BCOR: variants seen among roughly 807,000 people sequenced by gnomAD.
BCOR encodes the protein BCL6 corepressor.
In BCOR, 10 loss-of-function variants were observed where a neutral mutation model predicts 86.7. That is an observed-to-expected ratio of 0.12 (90% CI 0.07 to 0.20). The LOEUF is 0.20. Ranked by LOEUF, BCOR falls within the 10% of genes least tolerant of loss-of-function variation. The pLI is 1.00. For synonymous variants in BCOR, 611 were observed against 609.0 expected (o/e 1.00, Z -0.05); for missense variants, 1,259 against 1,452.1 (o/e 0.87, Z 2.16).
At position 40,160,111 on chromosome X, in the gene BCOR, C is replaced by CTT. The variant is rs748741460; in HGVS notation, c.-41+16894_-41+16895dup. 4.5e-3 allele frequency among the ~76,000 whole-genome samples: 473 copies of CTT among 104,658 alleles called. 1 individual carries two copies. The highest frequency in any genetic ancestry group is 0.015 in the African/African-American group (441 of 28,958). 90.9% of individuals were successfully genotyped at this position (104,658 alleles called of 115,157 possible). ...ACCATCAGATGGTTGACATGGATTA[C>CTT]TTTTTTTTTTTTTTGAGACGGAGTC... On this transcript the variant is annotated intron_variant, in intron 1 of 14. Coordinates refer to the BCOR transcript ENST00000342274.
At position 40,156,398 on chromosome X, in the gene BCOR, A is replaced by G. The variant is rs779225778; in HGVS notation, c.-41+20609T>C. 5.3e-3 allele frequency among the ~76,000 whole-genome samples: 589 copies of G among 111,746 alleles called. 3 individuals carry two copies. The highest frequency in any genetic ancestry group is 0.018 in the African/African-American group (561 of 30,760). On this transcript the variant is annotated intron_variant, in intron 1 of 14. Transcript: ENST00000342274. ...GGCGGGGGTAGGGCTGGGGCGGCAC[A>G]GCAGCGGCAGGGGATGAGGAGGTGA...
intron 1 of BCOR, 127 bp from the exon 2 acceptor site, chrX:40,078,096 G>C: frequency 4.2e-6 from 2 of 481,012 alleles, no homozygotes. Flanking sequence ...TGTGCCTGCT[G>C]TCTACAGTGG....
chrX:40,053,793 C>T (rs1221293801), intron 14 of BCOR, 93 bp downstream of exon 14: 11 of 1,033,382 alleles, frequency 1.1e-5, no homozygotes, highest in Admixed American at 2.5e-5. Flanking sequence ...GGTCACTCAC[C>T]CACCCACCCT....
chrX:40,150,281 C>T (rs1283691548), intron 1 of BCOR, among the ~76,000 whole-genome samples: 1 of 112,220 alleles, frequency 8.9e-6, no homozygotes, highest in African/African-American at 3.2e-5. Context: ...GGGAAACACA[C>T]TTAGGTTATC....
At chrX:40,107,207 C>A (rs769892383) in intron 1 of BCOR, among the ~76,000 whole-genome samples, 1 of 111,852 alleles carries the variant, frequency 8.9e-6, no homozygotes, top group East Asian at 2.8e-4. Flanking sequence ...AGGGCGAAAG[C>A]GGGGAAACGT....
intron 1 of BCOR, among the ~76,000 whole-genome samples, chrX:40,078,260 C>T (rs1935910223): frequency 1.8e-5 from 2 of 112,445 alleles, no homozygotes; most frequent in South Asian, 3.7e-4. Context: ...CCACAGCACC[C>T]GCCCACTCCC....
At chrX:40,165,679 G>C (rs182766881) in intron 1 of BCOR, among the ~76,000 whole-genome samples, 8 of 112,830 alleles carry the variant, frequency 7.1e-5, no homozygotes, top group African/African-American at 2.6e-4. Flanking sequence ...CCTGTGCCTA[G>C]CTAGGGTGTA....
chrX:40,163,042 TATTA>T (rs1267255001), intron 1 of BCOR, among the ~76,000 whole-genome samples: 4 of 111,824 alleles, frequency 3.6e-5, no homozygotes, highest in Non-Finnish European at 7.5e-5. Flanking sequence ...AAATAGTAAG[TATTA>T]ATTGTTTTTC....
Position 40,093,214 on chromosome X carries a change from C to A in BCOR, c.-41+4001G>T, listed in dbSNP as rs559873970. ...TGTATCTCTTGTTCCATTTGGGCAA[C>A]GGAGCCCAAGTGTCTTGATTTGTCT... On this transcript the variant is annotated intron_variant, in intron 1 of 14. Transcript: ENST00000378444. Among the ~76,000 whole-genome samples the A allele has an allele frequency of 2.7e-5, 3 of 112,215 alleles. No homozygotes were observed. In the South Asian group the frequency reaches 1.1e-3, roughly 41 times the overall value.
intron 1 of BCOR, among the ~76,000 whole-genome samples, chrX:40,134,663 C>T (rs1937644701): frequency 1.8e-5 from 2 of 111,341 alleles, no homozygotes. Context: ...AGTCCCCCTT[C>T]CAAGTCCAGG....
chrX:40,094,416 G>C (rs778558470), intron 1 of BCOR, among the ~76,000 whole-genome samples: 6 of 112,965 alleles, frequency 5.3e-5, no homozygotes, highest in Non-Finnish European at 1.1e-4. Flanking sequence ...CTGCGGGGTG[G>C]GGGTAGGGGG....
At chrX:40,131,395 G>T (rs759682120) in intron 1 of BCOR, among the ~76,000 whole-genome samples, 2 of 112,409 alleles carry the variant, frequency 1.8e-5, no homozygotes, top group Non-Finnish European at 3.8e-5. Flanking sequence ...AGTGGCTCAC[G>T]CCTGCAATCC....
chrX:40,143,547 A>C (rs1937970122), intron 1 of BCOR, among the ~76,000 whole-genome samples: 1 of 112,846 alleles, frequency 8.9e-6, no homozygotes. Flanking sequence ...CAGAGGAACC[A>C]TAATCAACTT....
chrX:40,073,483 G>A lies in BCOR; in HGVS notation c.1863C>T (p.Asn621=), dbSNP rs758436779. The A allele has an allele frequency of 1.7e-6, 2 of 1,211,538 alleles. No individual in the cohort carries two copies. Among genetic ancestry groups the A allele is most frequent in the South Asian group, 3.5e-5 (2 of 56,953 alleles). The stretch of plus-strand genomic sequence containing the variant: ...CGTTTGCTTTGAAACTCGGTTCTGG[G>A]TTGCTGGCTTTGGCGCCCTTGCTGC... The part of the protein sequence containing the change: ...STSSKGAKAS[N]PEPSFKANEN... The change falls in exon 4 of 15, where the codon AAC becomes AAT. Residue 621 remains asparagine, a synonymous_variant. Transcript: ENST00000378444.
chrX:40,057,048 T>A (rs1934633577), intron 11 of BCOR, 107 bp downstream of exon 11: 1 of 920,569 alleles, frequency 1.1e-6, no homozygotes, highest in East Asian at 3.2e-5. Context: ...ACAGTCACCC[T>A]CTGTCTTTCC....
intron 1 of BCOR, among the ~76,000 whole-genome samples, chrX:40,168,635 G>C (rs1216637061): frequency 4.4e-5 from 5 of 112,552 alleles, no homozygotes; most frequent in Non-Finnish European, 9.4e-5. Context: ...CGGAGGGCGA[G>C]AGGGGGGCCA....
chrX:40,075,161 T>C lies in BCOR; in HGVS notation c.185A>G (p.His62Arg), dbSNP rs1935738328. The change falls in exon 4 of 15, where the codon CAT (histidine) becomes CGT (arginine). Residue 62 changes from histidine (H) to arginine (R), a missense_variant. His to Arg is a conservative substitution (Grantham distance 29, BLOSUM62 0). This residue lies in a region of BCOR where 174 missense variants were observed against 189.3 expected (regional missense o/e 0.92). Coordinates refer to ENST00000378444, the MANE Select transcript of BCOR (RefSeq NM_001123385.2). ...CAGTGCTGCCAGGCCATCGATCCTA[T>C]GGGCCGTGCTCGCATCCACCTTTGC... The part of the protein sequence containing the change: ...NHNVVDASTA[H>R]RIDGLAALSM... The C allele has an allele frequency of 1.2e-5, 14 of 1,209,114 alleles. No homozygotes were observed. The highest frequency in any genetic ancestry group is 1.5e-5 in the Non-Finnish European group (13 of 894,526).
chrX:40,094,833 C>T (rs1031937792), intron 1 of BCOR, among the ~76,000 whole-genome samples: 4 of 113,367 alleles, frequency 3.5e-5, no homozygotes, highest in African/African-American at 1.3e-4. Flanking sequence ...GACAGCGAGG[C>T]CCCGGCCTGT....
chrX:40,076,410 C>T (rs1344129530), intron 3 of BCOR, 44 bp downstream of exon 3: 1 of 979,011 alleles, frequency 1.0e-6, no homozygotes, highest in Non-Finnish European at 1.5e-6. Flanking sequence ...TTACAGATCA[C>T]TGATATGCAG....
Sources: gnomAD v4.1 joint callset for allele counts (sites outside exome capture counted in the v4.1 genomes callset) on GRCh38, gnomAD v4.1.1 for gene constraint, gnomAD v4.1.1 regional missense constraint, MANE v1.5 for transcripts, NCBI Gene and HGNC (gene_info 2026-07-23, HGNC 2026-07-21) for gene names.